The following UVRAG variants were observed in gnomAD, a reference collection of about 807,000 sequenced individuals.
UVRAG encodes the protein UV radiation resistance-associated gene protein.
UVRAG carries 19 observed loss-of-function variants against 78.0 expected under a neutral mutation model. The observed-to-expected ratio is 0.24, with a 90% CI of 0.17 to 0.36. The LOEUF (loss-of-function observed/expected upper bound fraction) is 0.36, where lower values mean the gene tolerates loss of function less well. UVRAG is among the 10% of genes least tolerant of loss of function. The pLI, the probability that UVRAG is intolerant of heterozygous loss-of-function variation, is 1.00. For missense variants in UVRAG, 740 were observed against 853.8 expected (o/e 0.87, Z 1.66); for synonymous variants, 323 against 324.6 (o/e 1.00, Z 0.05).
intron 2 of UVRAG, among the ~76,000 whole-genome samples, chr11:75,853,262 T>C (rs1946200089): frequency 6.6e-6 from 1 of 152,116 alleles, no homozygotes; most frequent in Non-Finnish European, 1.5e-5. Context: ...TAACAACTTT[T>C]TTTAATGTCA....
rs539479002 is a variant in UVRAG at position 75,847,616 on chromosome 11, A to G, written c.118-4267A>G. ...AAAAGAAGGCCAGACCTAGGGCACA[A>G]GAGGGTTTACATGTACACTTACTGC... On this transcript the variant is annotated intron_variant, in intron 1 of 14. Coordinates refer to ENST00000356136, the MANE Select transcript of UVRAG (RefSeq NM_003369.4). Among the ~76,000 whole-genome samples, 58 of 151,966 alleles carry G rather than the reference A, an allele frequency of 3.8e-4. 1 individual carries two copies. Among genetic ancestry groups the G allele is most frequent in the Non-Finnish European group, 5.0e-4 (34 of 67,976 alleles).
chr11:76,089,487 G>C (rs1260174113), intron 13 of UVRAG, among the ~76,000 whole-genome samples: 1 of 152,144 alleles, frequency 6.6e-6, no homozygotes, highest in Admixed American at 6.5e-5. Flanking sequence ...ATGATTACCA[G>C]CTCACAAAGA....
chr11:75,906,548 A>G (rs1005660885), intron 5 of UVRAG, among the ~76,000 whole-genome samples: 1 of 152,024 alleles, frequency 6.6e-6, no homozygotes, highest in Admixed American at 6.6e-5. Flanking sequence ...AGGTTTTACC[A>G]TGTTAGCTAG....
intron 7 of UVRAG, among the ~76,000 whole-genome samples, chr11:75,974,820 T>C (rs886752105): frequency 4.6e-5 from 7 of 152,244 alleles, no homozygotes; most frequent in African/African-American, 1.7e-4. Context: ...TCTCCCATTC[T>C]GTAGGTTGCC....
chr11:75,839,111 G>T (rs1374604210), intron 1 of UVRAG: 1 of 152,110 alleles, frequency 6.6e-6, no homozygotes, highest in Admixed American at 6.5e-5. Context: ...ATCTTTTCAT[G>T]TTTAAGAGCT....
chr11:75,989,277 ACTCCTGACCCCAAGTGATCCGCCTAC>A (rs1278844996), intron 8 of UVRAG, among the ~76,000 whole-genome samples: 1 of 151,330 alleles, frequency 6.6e-6, no homozygotes, highest in Non-Finnish European at 1.5e-5. Flanking sequence ...CCGGTCTTGA[ACTCCTGACCCCAAGTGATCCGCCTAC>A]CTCCCAAAGT....
intron 6 of UVRAG, among the ~76,000 whole-genome samples, chr11:75,920,738 G>A (rs1033339356): frequency 6.6e-6 from 1 of 152,066 alleles, no homozygotes; most frequent in Admixed American, 6.5e-5. Context: ...ATGATTTATA[G>A]ATACATTTAT....
chr11:75,829,822 A>G (rs1475253435), intron 1 of UVRAG, among the ~76,000 whole-genome samples: 1 of 152,216 alleles, frequency 6.6e-6, no homozygotes. Flanking sequence ...TTTTCATGCC[A>G]TGAAATATTT....
chr11:75,961,077 T>G (rs1453409713), intron 6 of UVRAG, among the ~76,000 whole-genome samples: 5 of 152,024 alleles, frequency 3.3e-5, no homozygotes, highest in Non-Finnish European at 7.4e-5. Flanking sequence ...CCTTTGAGAG[T>G]GGTGATACTC....
intron 8 of UVRAG, among the ~76,000 whole-genome samples, chr11:75,984,754 G>T (rs752307824): frequency 6.6e-6 from 1 of 152,166 alleles, no homozygotes; most frequent in Non-Finnish European, 1.5e-5. Flanking sequence ...ATATGTACAT[G>T]TGGTGGCTCT....
At chr11:76,002,363 T>C (rs1476683802) in intron 8 of UVRAG, among the ~76,000 whole-genome samples, 2 of 152,178 alleles carry the variant, frequency 1.3e-5, no homozygotes, top group South Asian at 4.1e-4. Context: ...TTTTTTTAAT[T>C]TCCTTTCTAC....
intron 8 of UVRAG, among the ~76,000 whole-genome samples, chr11:75,991,917 T>C (rs1397302931): frequency 6.6e-6 from 1 of 152,158 alleles, no homozygotes; most frequent in Admixed American, 6.5e-5. Context: ...TGTATTTATA[T>C]TTTATAGAAC....
At chr11:76,072,259 C>CT (rs1381221191) in intron 13 of UVRAG, among the ~76,000 whole-genome samples, 1 of 152,080 alleles carries the variant, frequency 6.6e-6, no homozygotes, top group Non-Finnish European at 1.5e-5. Flanking sequence ...AATTTGGAAA[C>CT]TAAGAGGAGT....
intron 6 of UVRAG, among the ~76,000 whole-genome samples, chr11:75,915,478 G>T (rs1000959603): frequency 5.9e-5 from 9 of 152,074 alleles, no homozygotes; most frequent in African/African-American, 2.2e-4. Context: ...TTGTTTTCAG[G>T]TAAAAGTAGA....
At chr11:75,825,171 C>A (rs948565446) in intron 1 of UVRAG, among the ~76,000 whole-genome samples, 1 of 151,538 alleles carries the variant, frequency 6.6e-6, no homozygotes, top group Admixed American at 6.6e-5. Flanking sequence ...TGCAATGGCA[C>A]GATCTCAGCT....
intron 12 of UVRAG, among the ~76,000 whole-genome samples, chr11:76,029,012 ACT>A (rs59758600): frequency 0.062 from 9,436 of 152,118 alleles, 417 homozygotes; most frequent in East Asian, 0.27. Flanking sequence ...GGAAAAGCTG[ACT>A]CTTTTATTAG....
chr11:76,002,771 AG>A (rs1422219248), intron 8 of UVRAG, among the ~76,000 whole-genome samples: 1 of 152,102 alleles, frequency 6.6e-6, no homozygotes, highest in Non-Finnish European at 1.5e-5. Flanking sequence ...AGAGAAGAGA[AG>A]GGTGCTTAAA....
At chr11:75,972,946 T>C (rs1026811229) in intron 7 of UVRAG, among the ~76,000 whole-genome samples, 10 of 152,214 alleles carry the variant, frequency 6.6e-5, no homozygotes, top group Non-Finnish European at 4.4e-5. Context: ...TCAATTCTTT[T>C]GGATTTTCTA....
At chr11:75,847,197 G>A (rs528456889) in intron 1 of UVRAG, among the ~76,000 whole-genome samples, 3 of 149,192 alleles carry the variant, frequency 2.0e-5, no homozygotes, top group Admixed American at 6.7e-5. Context: ...GCGTGATCTC[G>A]GCTTACTGCA....
Sources: gnomAD v4.1 joint callset for allele counts (sites outside exome capture counted in the v4.1 genomes callset) on GRCh38, gnomAD v4.1.1 for gene constraint, MANE v1.5 for transcripts, NCBI Gene and HGNC (gene_info 2026-07-23, HGNC 2026-07-21) for gene names.